Variants in DCP2 observed in about 807,000 individuals in gnomAD.
DCP2 encodes the protein decapping mRNA 2.
In DCP2, 30 loss-of-function variants were observed where a neutral mutation model predicts 56.1. The observed-to-expected ratio is 0.53, with a 90% CI of 0.40 to 0.73. The LOEUF (loss-of-function observed/expected upper bound fraction) is 0.73. Ranked by LOEUF, DCP2 falls within the 30% of genes least tolerant of loss-of-function variation. DCP2 has a pLI of 0.00. For missense variants in DCP2, 533 were observed against 502.7 expected, an observed-to-expected ratio of 1.06 and a Z score of -0.58; for synonymous variants, 197 against 163.3, an observed-to-expected ratio of 1.21 and a Z score of -1.57.
intron 9 of DCP2, among the ~76,000 whole-genome samples, chr5:113,009,975 C>T (rs1422925580): frequency 6.2e-5 from 9 of 145,636 alleles, no homozygotes; most frequent in Non-Finnish European, 1.2e-4. Flanking sequence ...TACAATGGCA[C>T]GTACATTGTT....
intron 10 of DCP2, among the ~76,000 whole-genome samples, chr5:113,012,551 C>G (rs1749720741): frequency 1.3e-5 from 2 of 152,060 alleles, no homozygotes; most frequent in African/African-American, 4.8e-5. Context: ...AGTCCCTGAT[C>G]TGTTTAAAAG....
chr5:113,012,708 A>C (rs1749727977), intron 10 of DCP2, among the ~76,000 whole-genome samples: 1 of 152,122 alleles, frequency 6.6e-6, no homozygotes, highest in African/African-American at 2.4e-5. Flanking sequence ...CAACAGCACG[A>C]TCTCAGCTTA....
At chr5:113,006,744 AGAATT>A (rs1212507038) in intron 8 of DCP2, among the ~76,000 whole-genome samples, 1 of 152,240 alleles carries the variant, frequency 6.6e-6, no homozygotes, top group Non-Finnish European at 1.5e-5. Flanking sequence ...TTTAAACTTA[AGAATT>A]TTTTGGTAGG....
chr5:113,003,727 A>C (rs935648506), intron 7 of DCP2, among the ~76,000 whole-genome samples: 32 of 152,236 alleles, frequency 2.1e-4, no homozygotes, highest in Admixed American at 7.8e-4. Context: ...GTATTAATTC[A>C]TTCAAGAAAT....
intron 4 of DCP2, among the ~76,000 whole-genome samples, chr5:112,993,274 A>G (rs778098730): frequency 5.3e-5 from 8 of 152,292 alleles, no homozygotes; most frequent in Non-Finnish European, 1.2e-4. Context: ...TGAATTTATC[A>G]TATTTTCAGT....
At chr5:112,978,241 C>T (rs1008876406) in intron 1 of DCP2, among the ~76,000 whole-genome samples, 2 of 152,208 alleles carry the variant, frequency 1.3e-5, no homozygotes, top group East Asian at 1.9e-4. Flanking sequence ...TCCCAAAGTG[C>T]TGGGATTACA....
chr5:112,996,269 A>G (rs1357234112), intron 4 of DCP2, among the ~76,000 whole-genome samples: 2 of 152,198 alleles, frequency 1.3e-5, no homozygotes, highest in Non-Finnish European at 2.9e-5. Flanking sequence ...ACCAGTTGTA[A>G]ACCAGATGGT....
At chr5:113,006,050 T>C (rs1749416876) in intron 8 of DCP2, among the ~76,000 whole-genome samples, 1 of 137,530 alleles carries the variant, frequency 7.3e-6, no homozygotes, top group Admixed American at 7.9e-5. Context: ...CACCTGAGCC[T>C]GGGAAGTCAA....
chr5:113,021,427 A>AGAGT lies in DCP2; in HGVS notation c.*7944_*7947dup, dbSNP rs1750126117. Among the ~76,000 whole-genome samples, 1 of 151,000 alleles carries AGAGT rather than the reference A, an allele frequency of 6.6e-6. No homozygotes were observed. ...AAACCCCCAGGAAGAAATATTGTCGAGAGTCTCTGCAAAAATGAAAATACC... is the reference window on the plus strand; with the variant it reads ...AAACCCCCAGGAAGAAATATTGTCGAGAGTGAGTCTCTGCAAAAATGAAAATACC... On this transcript the variant is annotated 3_prime_UTR_variant, in exon 11 of 11. Coordinates refer to ENST00000389063, the MANE Select transcript of DCP2 (RefSeq NM_152624.6).
At chr5:112,988,258 G>A (rs753824752) in intron 2 of DCP2, among the ~76,000 whole-genome samples, 6 of 151,400 alleles carry the variant, frequency 4.0e-5, no homozygotes, top group Non-Finnish European at 8.8e-5. Flanking sequence ...CAAGGGGGGC[G>A]GATCACTAAG....
chr5:113,000,954 C>T (rs999244688), intron 4 of DCP2, 130 bp from the exon 5 acceptor site: 3 of 934,482 alleles, frequency 3.2e-6, no homozygotes, highest in Non-Finnish European at 1.6e-6. Context: ...CTGTACCAGC[C>T]TGTCATTTCT....
chr5:112,993,381 A>G (rs1748686780), intron 4 of DCP2, among the ~76,000 whole-genome samples: 1 of 152,024 alleles, frequency 6.6e-6, no homozygotes. Flanking sequence ...ACGCCTGAAT[A>G]TGGGAGGCCG....
chr5:113,002,728 G>T (rs1413020185), intron 7 of DCP2, among the ~76,000 whole-genome samples: 1 of 151,978 alleles, frequency 6.6e-6, no homozygotes, highest in African/African-American at 2.4e-5. Flanking sequence ...TCCCTATGCT[G>T]CCCAGGCTGC....
At chr5:112,980,710 G>C (rs563813370) in intron 1 of DCP2, among the ~76,000 whole-genome samples, 1 of 152,200 alleles carries the variant, frequency 6.6e-6, no homozygotes, top group South Asian at 2.1e-4. Flanking sequence ...ACATGGTTTT[G>C]AAAATTAGAG....
intron 1 of DCP2, among the ~76,000 whole-genome samples, chr5:112,982,111 C>T (rs1198225065): frequency 2.0e-5 from 3 of 152,124 alleles, no homozygotes; most frequent in Admixed American, 6.5e-5. Flanking sequence ...GGGGAGGGGA[C>T]AGTTGGCTTT....
At chr5:113,010,952 A>C in intron 10 of DCP2, 145 bp downstream of exon 10, 4 of 809,250 alleles carry the variant, frequency 4.9e-6, no homozygotes, top group Non-Finnish European at 7.3e-6. Flanking sequence ...TCATGTATGT[A>C]GAGTTCTCTA....
At chr5:113,012,607 G>T (rs917413595) in intron 10 of DCP2, among the ~76,000 whole-genome samples, 2 of 152,060 alleles carry the variant, frequency 1.3e-5, no homozygotes, top group Non-Finnish European at 2.9e-5. Context: ...GTTGTACTAT[G>T]ATTTGGAAAA....
intron 9 of DCP2, 164 bp downstream of exon 9, chr5:113,008,206 T>G: frequency 1.9e-6 from 1 of 526,666 alleles, no homozygotes; most frequent in South Asian, 3.9e-5. Context: ...ACTAAAAATC[T>G]CTGGCTGCTC....
rs1209818571 is a variant in DCP2 at position 113,020,569 on chromosome 5, C to A, written c.*7085C>A. The A allele has an allele frequency of 6.6e-6, 1 of 152,180 alleles. No homozygotes were observed. The highest frequency in any genetic ancestry group is 1.5e-5 in the Non-Finnish European group (1 of 68,020). 9.4% of individuals were successfully genotyped at this position (152,180 alleles called of 1,614,324 possible). On this transcript the variant is annotated 3_prime_UTR_variant, in exon 11 of 11. Coordinates refer to ENST00000389063, the MANE Select transcript of DCP2 (RefSeq NM_152624.6). ...TTATGTTGTTGTAGTTGAACAGCAA[C>A]TGTTTTTTTCCCTCAGTGTTAACGA...
Sources: gnomAD v4.1 joint callset for allele counts (sites outside exome capture counted in the v4.1 genomes callset) on GRCh38, gnomAD v4.1.1 for gene constraint, MANE v1.5 for transcripts, NCBI Gene and HGNC (gene_info 2026-07-23, HGNC 2026-07-21) for gene names.